ACSM2B: variants seen among roughly 807,000 people sequenced by gnomAD.
ACSM2B encodes the protein acyl-coenzyme A synthetase ACSM2B, mitochondrial.
ACSM2B carries 58 observed loss-of-function variants against 78.6 expected under a neutral mutation model. The ratio of observed to expected loss-of-function variants is 0.74; its 90% confidence interval spans 0.60 to 0.92. The LOEUF is 0.92. Ranked by LOEUF, ACSM2B falls within the 40% of genes least tolerant of loss-of-function variation. ACSM2B has a pLI of 0.00. For synonymous variants in ACSM2B, 257 were observed against 256.8 expected (o/e 1.00, Z -0.01); for missense variants, 688 against 711.2 (o/e 0.97, Z 0.37).
chr16:20,556,160 G>A (rs12919614), intron 3 of ACSM2B, among the ~76,000 whole-genome samples: 27,744 of 151,856 alleles, frequency 0.18, 3,583 homozygotes, highest in East Asian at 0.69. Flanking sequence ...TGAATTATTA[G>A]CTGTGTTTAG....
intron 1 of ACSM2B, among the ~76,000 whole-genome samples, chr16:20,566,247 TTATATA>T (rs200052689): frequency 0.04 from 2,826 of 69,902 alleles, 76 homozygotes; most frequent in African/African-American, 0.063. Context: ...TCATGGAAGA[TTATATA>T]TATATATATA....
At chr16:20,564,911 C>T (rs2015777515) in intron 1 of ACSM2B, 58 bp from the exon 2 acceptor site, 1 of 1,533,156 alleles carries the variant, frequency 6.5e-7, no homozygotes, top group Non-Finnish European at 8.8e-7. Context: ...CTCTACTGAT[C>T]ATCAGCGGCT....
At chr16:20,567,513 A>ATATAAAT (rs1400027151) in intron 1 of ACSM2B, among the ~76,000 whole-genome samples, 2 of 129,620 alleles carry the variant, frequency 1.5e-5, no homozygotes, top group African/African-American at 5.8e-5. Context: ...ATATATAAAT[A>ATATAAAT]ATATATAAAT....
At chr16:20,544,386 A>T (rs1279346728) in intron 10 of ACSM2B, 4 of 208,680 alleles carry the variant, frequency 1.9e-5, no homozygotes, top group African/African-American at 2.4e-5. Flanking sequence ...AACTCGAGCA[A>T]TCTGAGTCCA....
intron 2 of ACSM2B, among the ~76,000 whole-genome samples, chr16:20,561,043 T>C (rs2152142555): frequency 6.6e-6 from 1 of 152,190 alleles, no homozygotes; most frequent in Middle Eastern, 3.4e-3. Flanking sequence ...AGATTTGACC[T>C]GAATGTTTGA....
At chr16:20,544,849 G>T in intron 10 of ACSM2B, 2 of 1,033,212 alleles carry the variant, frequency 1.9e-6, no homozygotes, top group Non-Finnish European at 2.3e-6. Flanking sequence ...GGCAGCCCTT[G>T]GGGGAATGGT....
intron 6 of ACSM2B, among the ~76,000 whole-genome samples, chr16:20,551,916 A>G (rs1465729944): frequency 6.6e-6 from 1 of 152,082 alleles, no homozygotes; most frequent in Non-Finnish European, 1.5e-5. Context: ...GACCTACAAT[A>G]TCTTTCTCCT....
intron 3 of ACSM2B, among the ~76,000 whole-genome samples, chr16:20,556,597 A>G (rs1016673831): frequency 3.3e-5 from 5 of 152,208 alleles, no homozygotes; most frequent in Admixed American, 1.3e-4. Flanking sequence ...GGGAGACTCC[A>G]TCTCAAAAAA....
chr16:20,574,450 A>G (rs2016188740), intron 1 of ACSM2B: 1 of 152,080 alleles, frequency 6.6e-6, no homozygotes, highest in South Asian at 2.1e-4. Flanking sequence ...ATAAGAAACT[A>G]TAAGAGTGTT....
intron 6 of ACSM2B, among the ~76,000 whole-genome samples, chr16:20,551,141 T>C (rs1246363565): frequency 2.0e-5 from 3 of 152,168 alleles, no homozygotes; most frequent in Non-Finnish European, 4.4e-5. Context: ...AGAGATAAAA[T>C]TAATCTATGG....
In ACSM2B at chr16:20,545,276, T is replaced by C; in HGVS notation, c.1180-18A>G. ...TCTATAACCTGGAGAAAGAAGCATA[T>C]TGGAAGAATGACGCACACAGCAGGA... On this transcript the variant is annotated intron_variant, in intron 9 of 13. Coordinates refer to ENST00000329697, the MANE Select transcript of ACSM2B (RefSeq NM_001105069.2). 6.2e-7 allele frequency: 1 copy of C among 1,610,478 alleles called. No individual in the cohort carries two copies. The highest frequency in any genetic ancestry group is 8.5e-7 in the Non-Finnish European group (1 of 1,177,618).
At chr16:20,549,064 C>T (rs377414434) in intron 6 of ACSM2B, among the ~76,000 whole-genome samples, 40 of 152,090 alleles carry the variant, frequency 2.6e-4, no homozygotes, top group African/African-American at 6.5e-4. Context: ...ATGGAGTGTG[C>T]GCTATCATCC....
intron 9 of ACSM2B, among the ~76,000 whole-genome samples, 193 bp downstream of exon 9, chr16:20,546,200 TA>T (rs2015136674): frequency 6.6e-6 from 1 of 152,172 alleles, no homozygotes; most frequent in East Asian, 1.9e-4. Context: ...GGTAAGAATA[TA>T]AATCATTTCT....
intron 2 of ACSM2B, among the ~76,000 whole-genome samples, chr16:20,561,189 T>C (rs1487363067): frequency 6.6e-6 from 1 of 152,048 alleles, no homozygotes; most frequent in Admixed American, 6.5e-5. Flanking sequence ...AAAAACCAAA[T>C]ACTGTGTGAT....
chr16:20,563,156 GA>G (rs1181045906), intron 2 of ACSM2B, among the ~76,000 whole-genome samples: 4 of 151,944 alleles, frequency 2.6e-5, no homozygotes, highest in East Asian at 1.9e-4. Context: ...TTTTCTGAAA[GA>G]AAAAAACAAC....
intron 1 of ACSM2B, among the ~76,000 whole-genome samples, chr16:20,572,980 T>C (rs866923942): frequency 0.012 from 1,781 of 151,612 alleles, 39 homozygotes; most frequent in South Asian, 0.068. Context: ...TTGTATTTTT[T>C]TTTTTTTCCT....
intron 1 of ACSM2B, among the ~76,000 whole-genome samples, chr16:20,566,429 C>T (rs181985985): frequency 4.7e-5 from 6 of 126,708 alleles, no homozygotes; most frequent in Admixed American, 2.9e-4. Flanking sequence ...GGGTATTATA[C>T]ATTTATATTG....
At chr16:20,546,110 C>A (rs2015133939) in intron 9 of ACSM2B, among the ~76,000 whole-genome samples, 1 of 151,794 alleles carries the variant, frequency 6.6e-6, no homozygotes, top group Admixed American at 6.6e-5. Flanking sequence ...CAAGATTCAC[C>A]CCATTTTTGT....
At chr16:20,546,627 C>G in intron 8 of ACSM2B, 153 bp from the exon 9 acceptor site, 1 of 1,306,042 alleles carries the variant, frequency 7.7e-7, no homozygotes, top group African/African-American at 1.5e-5. Context: ...GCTCTCTCCC[C>G]ATTACTGGAA....
Sources: gnomAD v4.1 joint callset for allele counts (sites outside exome capture counted in the v4.1 genomes callset) on GRCh38, gnomAD v4.1.1 for gene constraint, MANE v1.5 for transcripts, NCBI Gene and HGNC (gene_info 2026-07-23, HGNC 2026-07-21) for gene names.